Variants in PCDH15 observed in about 807,000 individuals in gnomAD.
PCDH15 encodes the protein protocadherin-15.
In PCDH15, 129 loss-of-function variants were observed where a neutral mutation model predicts 178.5. The observed-to-expected ratio is 0.72, with a 90% CI of 0.63 to 0.84. PCDH15 has a LOEUF of 0.84. Ranked by LOEUF, PCDH15 falls within the 40% of genes least tolerant of loss-of-function variation. PCDH15 has a pLI of 0.00. For synonymous variants in PCDH15, 800 were observed against 732.0 expected (o/e 1.09, Z -1.50); for missense variants, 2,230 against 2,099.9 (o/e 1.06, Z -1.21).
At chr10:54,839,374 A>C (rs1417013621) in intron 3 of PCDH15, among the ~76,000 whole-genome samples, 2 of 152,132 alleles carry the variant, frequency 1.3e-5, no homozygotes, top group Admixed American at 6.6e-5. Context: ...GAATACAATA[A>C]AAGAATTGAA....
At chr10:53,971,968 C>CG (rs2089733589) in intron 21 of PCDH15, among the ~76,000 whole-genome samples, 1 of 74,592 alleles carries the variant, frequency 1.3e-5, no homozygotes, top group African/African-American at 4.1e-5. Context: ...CAAAAAAGAG[C>CG]CCACAGCCAA....
chr10:54,591,938 G>A (rs2091914176), intron 2 of PCDH15, among the ~76,000 whole-genome samples: 1 of 152,094 alleles, frequency 6.6e-6, no homozygotes, highest in South Asian at 2.1e-4. Context: ...AGAACCCAAT[G>A]TGAAGCTTCA....
chr10:54,065,816 A>G (rs1318080538), intron 18 of PCDH15, among the ~76,000 whole-genome samples: 2 of 152,232 alleles, frequency 1.3e-5, no homozygotes, highest in Admixed American at 1.3e-4. Context: ...GAACATCACA[A>G]GATCTCTATA....
intron 2 of PCDH15, among the ~76,000 whole-genome samples, chr10:54,616,747 G>A (rs1054085400): frequency 2.0e-5 from 3 of 152,076 alleles, no homozygotes; most frequent in Admixed American, 6.6e-5. Context: ...CCCAAGAGAC[G>A]TATTTATAAC....
At chr10:55,356,113 A>G (rs1845072494) in intron 2 of PCDH15, among the ~76,000 whole-genome samples, 1 of 151,940 alleles carries the variant, frequency 6.6e-6, no homozygotes, top group Admixed American at 6.6e-5. Flanking sequence ...TTAAGTGTTC[A>G]ACAATTTGAA....
intron 3 of PCDH15, among the ~76,000 whole-genome samples, chr10:54,896,638 C>A (rs1954550224): frequency 6.6e-6 from 1 of 152,004 alleles, no homozygotes; most frequent in African/African-American, 2.4e-5. Context: ...AAATCCAGGG[C>A]CTTGAAGATT....
chr10:54,029,146 A>G (rs2135401438), intron 18 of PCDH15, among the ~76,000 whole-genome samples: 1 of 152,268 alleles, frequency 6.6e-6, no homozygotes, highest in Admixed American at 6.5e-5. Flanking sequence ...AGGCAGTTTT[A>G]CTTCTTTACT....
chr10:54,911,580 GCT>G (rs2131835060), intron 2 of PCDH15, among the ~76,000 whole-genome samples: 1 of 152,260 alleles, frequency 6.6e-6, no homozygotes, highest in South Asian at 2.1e-4. Context: ...TTCAGATTTT[GCT>G]CTGTTAGGCA....
intron 2 of PCDH15, among the ~76,000 whole-genome samples, chr10:55,392,409 A>G (rs1312396304): frequency 2.0e-5 from 3 of 152,192 alleles, no homozygotes; most frequent in Non-Finnish European, 4.4e-5. Flanking sequence ...ATTATTTTTA[A>G]CTAAAGTTCA....
intron 1 of PCDH15, among the ~76,000 whole-genome samples, chr10:55,182,110 C>T (rs1240030005): frequency 6.6e-6 from 1 of 151,854 alleles, no homozygotes; most frequent in East Asian, 1.9e-4. Context: ...AAACAAGATT[C>T]TTGGCATTCT....
At chr10:55,390,118 T>G (rs996603132) in intron 2 of PCDH15, among the ~76,000 whole-genome samples, 5 of 150,890 alleles carry the variant, frequency 3.3e-5, no homozygotes, top group African/African-American at 4.9e-5. Flanking sequence ...GTCACATGAG[T>G]TTTTTTTTCT....
chr10:54,551,588 A>G (rs1023873769), intron 2 of PCDH15, among the ~76,000 whole-genome samples: 1 of 152,144 alleles, frequency 6.6e-6, no homozygotes, highest in African/African-American at 2.4e-5. Flanking sequence ...TTGGTGTACA[A>G]TGTCCCAACA....
At chr10:54,962,420 C>A (rs2131885515) in intron 2 of PCDH15, among the ~76,000 whole-genome samples, 1 of 152,032 alleles carries the variant, frequency 6.6e-6, no homozygotes, top group Non-Finnish European at 1.5e-5. Context: ...CCCCCATTTG[C>A]CACACAACAG....
chr10:54,475,765 A>T (rs12265334), intron 3 of PCDH15, among the ~76,000 whole-genome samples: 7,660 of 151,406 alleles, frequency 0.051, 410 homozygotes, highest in African/African-American at 0.14. Flanking sequence ...GCAGGTAAAG[A>T]TGATGATGAT....
rs966517646 is a variant in PCDH15 at position 54,560,895 on chromosome 10, G to A, written c.92-33018C>T. 3.9e-5 allele frequency among the ~76,000 whole-genome samples: 6 copies of A among 152,072 alleles called. No individual in the cohort carries two copies. The South Asian group carries it at 1.2e-3, about 31-fold the overall frequency. On this transcript the variant is annotated intron_variant, in intron 2 of 37. Transcript: ENST00000644397. Reference sequence around the variant, plus strand: ...TAACATTAAAACCATTGGATGGGTTGTGTTTGTGTCCTTGCCAGTTAGTAA... The same window carrying A: ...TAACATTAAAACCATTGGATGGGTTATGTTTGTGTCCTTGCCAGTTAGTAA...
At chr10:54,540,874 G>T (rs2132960212) in intron 2 of PCDH15, among the ~76,000 whole-genome samples, 1 of 152,116 alleles carries the variant, frequency 6.6e-6, no homozygotes, top group Admixed American at 6.5e-5. Flanking sequence ...CAATAAATGT[G>T]ATTCATCACA....
At chr10:54,367,673 G>A (rs1947012503) in intron 5 of PCDH15, among the ~76,000 whole-genome samples, 1 of 151,876 alleles carries the variant, frequency 6.6e-6, no homozygotes, top group Non-Finnish European at 1.5e-5. Context: ...GAGGGGGTAG[G>A]AGAGGGATAG....
At chr10:54,890,837 T>G (rs1012420820) in intron 3 of PCDH15, among the ~76,000 whole-genome samples, 7 of 152,084 alleles carry the variant, frequency 4.6e-5, no homozygotes, top group Non-Finnish European at 7.4e-5. Context: ...TAAAATATAT[T>G]GCAACTCATC....
chr10:54,337,266 G>A (rs1434403421), intron 6 of PCDH15, among the ~76,000 whole-genome samples: 1 of 151,996 alleles, frequency 6.6e-6, no homozygotes, highest in African/African-American at 2.4e-5. Context: ...GATGAAATGA[G>A]TTAAAACTTT....
Sources: allele counts gnomAD v4.1 joint callset (sites outside exome capture counted in the v4.1 genomes callset), GRCh38; gene constraint gnomAD v4.1.1; transcripts MANE v1.5; gene names NCBI Gene and HGNC (gene_info 2026-07-23, HGNC 2026-07-21).